The following COL23A1 variants were observed in gnomAD, a reference collection of about 807,000 sequenced individuals.
COL23A1 encodes collagen type XXIII alpha 1 chain.
COL23A1 carries 97 observed loss-of-function variants against 99.3 expected under a neutral mutation model. The ratio of observed to expected loss-of-function variants is 0.98; its 90% confidence interval spans 0.83 to 1.16. The LOEUF (loss-of-function observed/expected upper bound fraction) is 1.16. Among genes scored for constraint, COL23A1 ranks in the 50% most tolerant of loss-of-function variants. COL23A1 has a pLI of 0.00. For missense variants in COL23A1, 762 were observed against 757.4 expected (o/e 1.01, Z -0.07); for synonymous variants, 320 against 308.2 (o/e 1.04, Z -0.40).
In COL23A1 at chr5:178,245,486, TCATCATCCACCCACC is replaced by T. The variant is rs971583187; in HGVS notation, c.1440+441_1440+455del. ...ACCCACCCATCCATCCATCATCCAT[TCATCATCCACCCACC>T]CATCATCCACCCACCCATCATCCAC... On this transcript the variant is annotated intron_variant, in intron 25 of 28. Transcript: ENST00000390654. Among the ~76,000 whole-genome samples the T allele has an allele frequency of 6.8e-5, 10 of 147,700 alleles. 1 individual carries two copies. The highest frequency in any genetic ancestry group is 4.4e-4 in the South Asian group (2 of 4,574).
In COL23A1 at chr5:178,279,349, C is replaced by T. The variant is rs563983744; in HGVS notation, c.441+8975G>A. 3.9e-5 allele frequency among the ~76,000 whole-genome samples: 6 copies of T among 152,350 alleles called. No individual in the cohort carries two copies. The South Asian group carries it at 8.3e-4, about 21-fold the overall frequency. Reference sequence around the variant, plus strand: ...CCTCCCACAGTGACCAGCCACATGGCTCCAGTGCCCACCACAGATGCCCTT... The same window carrying T: ...CCTCCCACAGTGACCAGCCACATGGTTCCAGTGCCCACCACAGATGCCCTT... On this transcript the variant is annotated intron_variant, in intron 5 of 28. Transcript: ENST00000390654.
chr5:178,417,472 G>C (rs116512038), intron 2 of COL23A1, among the ~76,000 whole-genome samples: 1 of 152,054 alleles, frequency 6.6e-6, no homozygotes, highest in Admixed American at 6.5e-5. Flanking sequence ...CTGCCCAAAG[G>C]GGGAAATCAC....
At chr5:178,451,467 C>G (rs1419777676) in intron 2 of COL23A1, among the ~76,000 whole-genome samples, 1 of 151,962 alleles carries the variant, frequency 6.6e-6, no homozygotes, top group East Asian at 1.9e-4. Flanking sequence ...ATCAGCCTGG[C>G]CAACATGGTG....
At chr5:178,497,941 T>A (rs574402227) in intron 2 of COL23A1, among the ~76,000 whole-genome samples, 1 of 151,988 alleles carries the variant, frequency 6.6e-6, no homozygotes, top group East Asian at 1.9e-4. Context: ...AAATTTCCTA[T>A]GACCAAGTTG....
chr5:178,294,241 C>T (rs1325358273), intron 3 of COL23A1, among the ~76,000 whole-genome samples: 3 of 150,368 alleles, frequency 2.0e-5, no homozygotes, highest in Non-Finnish European at 4.4e-5. Flanking sequence ...CACTACCGAG[C>T]TCCCTCCCCA....
chr5:178,487,505 G>A (rs1268662347), intron 2 of COL23A1, among the ~76,000 whole-genome samples: 2 of 151,976 alleles, frequency 1.3e-5, no homozygotes, highest in Non-Finnish European at 2.9e-5. Context: ...ATCAGCCTCA[G>A]TATTATTTTA....
intron 2 of COL23A1, among the ~76,000 whole-genome samples, chr5:178,492,758 G>A (rs1053290304): frequency 1.3e-5 from 2 of 151,976 alleles, no homozygotes; most frequent in African/African-American, 4.8e-5. Flanking sequence ...CCTCACAACA[G>A]AGGCTCCTGA....
intron 2 of COL23A1, among the ~76,000 whole-genome samples, chr5:178,397,435 C>CA (rs1160978168): frequency 6.6e-6 from 1 of 152,176 alleles, no homozygotes; most frequent in Admixed American, 6.5e-5. Context: ...AGCGAGGATT[C>CA]AGTAACTGAG....
At chr5:178,342,468 G>T (rs1760724574) in intron 2 of COL23A1, among the ~76,000 whole-genome samples, 1 of 152,174 alleles carries the variant, frequency 6.6e-6, no homozygotes, top group Non-Finnish European at 1.5e-5. Flanking sequence ...TGGCTCAAAG[G>T]CCCCCTTGAT....
intron 2 of COL23A1, among the ~76,000 whole-genome samples, chr5:178,485,848 T>C (rs1757600880): frequency 6.6e-6 from 1 of 151,170 alleles, no homozygotes; most frequent in Admixed American, 6.6e-5. Context: ...AACTTGACAT[T>C]AAGAAGAAAA....
intron 1 of COL23A1, among the ~76,000 whole-genome samples, chr5:178,565,723 A>C (rs1048980359): frequency 2.0e-5 from 3 of 152,148 alleles, no homozygotes; most frequent in Non-Finnish European, 4.4e-5. Flanking sequence ...CAGAAAGAGA[A>C]GTGTCAGGGC....
intron 2 of COL23A1, among the ~76,000 whole-genome samples, chr5:178,345,785 A>C (rs971152013): frequency 2.0e-5 from 3 of 151,794 alleles, no homozygotes; most frequent in Admixed American, 6.6e-5. Flanking sequence ...TCAGCCTCCC[A>C]AAGTGCTGGG....
At chr5:178,418,053 C>T (rs1051685818) in intron 2 of COL23A1, among the ~76,000 whole-genome samples, 1 of 152,210 alleles carries the variant, frequency 6.6e-6, no homozygotes, top group African/African-American at 2.4e-5. Context: ...CTGTGGAGGA[C>T]CCAGTGTCTG....
intron 2 of COL23A1, among the ~76,000 whole-genome samples, chr5:178,368,958 G>T (rs1468115221): frequency 1.3e-5 from 2 of 152,252 alleles, no homozygotes; most frequent in Non-Finnish European, 2.9e-5. Flanking sequence ...CTGAGATGGG[G>T]TTGGGGGAGA....
intron 2 of COL23A1, among the ~76,000 whole-genome samples, chr5:178,352,445 C>A (rs779697416): frequency 3.9e-5 from 6 of 152,176 alleles, no homozygotes; most frequent in Admixed American, 3.3e-4. Flanking sequence ...ATGAGACAAA[C>A]CCCCACGACC....
chr5:178,336,479 C>G (rs778665340), intron 2 of COL23A1, among the ~76,000 whole-genome samples: 5 of 152,170 alleles, frequency 3.3e-5, no homozygotes, highest in Non-Finnish European at 7.3e-5. Flanking sequence ...GTGAATGAAG[C>G]CAGGCACAGA....
intron 2 of COL23A1, among the ~76,000 whole-genome samples, chr5:178,425,860 G>A (rs1314669369): frequency 1.3e-5 from 2 of 152,210 alleles, no homozygotes; most frequent in Non-Finnish European, 2.9e-5. Flanking sequence ...TGAGAGTGCC[G>A]TGGCAGAGGC....
chr5:178,425,859 C>T (rs556159346), intron 2 of COL23A1, among the ~76,000 whole-genome samples: 3 of 152,304 alleles, frequency 2.0e-5, no homozygotes, highest in East Asian at 3.9e-4. Context: ...TTGAGAGTGC[C>T]GTGGCAGAGG....
Position 178,281,221 on chromosome 5 carries a change from A to G in COL23A1, c.441+7103T>C, listed in dbSNP as rs903051203. On this transcript the variant is annotated intron_variant, in intron 5 of 28. Coordinates refer to ENST00000390654, the MANE Select transcript of COL23A1 (RefSeq NM_173465.4). The surrounding 1 kb of genome is among the most constrained non-coding windows in gnomAD (Gnocchi z 4.0). The stretch of plus-strand genomic sequence containing the variant: ...ATCTAAAAACAGATGAATTTGGGAT[A>G]TTTCAGATAAATCGTTTAACTGATT... Among the ~76,000 whole-genome samples, 1 of 152,222 alleles carries G rather than the reference A, an allele frequency of 6.6e-6. No homozygotes were observed. Among genetic ancestry groups the G allele is most frequent in the African/African-American group, 2.4e-5 (1 of 41,444 alleles).
Sources: gnomAD v4.1 joint callset for allele counts (sites outside exome capture counted in the v4.1 genomes callset) on GRCh38, gnomAD v4.1.1 for gene constraint, Gnocchi (gnomAD v3.1) non-coding constraint, MANE v1.5 for transcripts, NCBI Gene and HGNC (gene_info 2026-07-23, HGNC 2026-07-21) for gene names.